The following CCDC137 variants were observed in gnomAD, a reference collection of about 807,000 sequenced individuals.
CCDC137 encodes coiled-coil domain-containing protein 137.
Under a neutral mutation model 30.4 loss-of-function variants are expected in CCDC137, and 24 were observed. That is an observed-to-expected ratio of 0.79 (90% CI 0.57 to 1.11). CCDC137 has a LOEUF of 1.11. Ranked by LOEUF, CCDC137 falls within the 50% of genes least tolerant of loss-of-function variation. The pLI is 0.00. For synonymous variants in CCDC137, 182 were observed against 155.7 expected (o/e 1.17, Z -1.26); for missense variants, 417 against 380.4 (o/e 1.10, Z -0.80).
rs1012241003 is a variant in CCDC137, at chr17:81,667,873, G to A, written c.268+11G>A. 8 of 1,609,980 alleles carry A rather than the reference G, an allele frequency of 5.0e-6. No homozygotes were observed. The highest frequency in any genetic ancestry group is 6.8e-6 in the Non-Finnish European group (8 of 1,179,390). ...AGAGGAAGAAAGCAGGTGTGTGCAG[G>A]CCCATACTGGGCGGCAGTGAAGCTT... On this transcript the variant is annotated intron_variant, in intron 2 of 5. Transcript: ENST00000329214.
In CCDC137 at chr17:81,666,743, G is replaced by T. The variant is rs182344335; in HGVS notation, c.-24G>T. ...CATGCAGGAAGGCGGAAGTGGCTTCGCTAGGGAGCCTCCCGGCGTGGAGAT... is the reference window on the plus strand; with the variant it reads ...CATGCAGGAAGGCGGAAGTGGCTTCTCTAGGGAGCCTCCCGGCGTGGAGAT... On this transcript the variant is annotated 5_prime_UTR_variant, in exon 1 of 6. Transcript: ENST00000329214. 2 of 1,449,380 alleles carry T rather than the reference G, an allele frequency of 1.4e-6. No homozygotes were observed. Among genetic ancestry groups the T allele is most frequent in the East Asian group, 2.7e-5 (1 of 36,678 alleles). 89.8% of individuals were successfully genotyped at this position (1,449,380 alleles called of 1,614,324 possible).
At chr17:81,670,682 G>A (rs1445754793) in intron 3 of CCDC137, among the ~76,000 whole-genome samples, 2 of 152,184 alleles carry the variant, frequency 1.3e-5, no homozygotes, top group South Asian at 2.1e-4. Context: ...CGGAGACCTC[G>A]CTTGGTCCTT....
chr17:81,670,122 CCTGGT>C, intron 2 of CCDC137, 98 bp from the exon 3 acceptor site: 1 of 884,016 alleles, frequency 1.1e-6, no homozygotes, highest in Non-Finnish European at 1.7e-6. Flanking sequence ...TTCCAGCCAG[CCTGGT>C]CTTCCCTTCC....
At chr17:81,670,090 T>C (rs1288149498) in intron 2 of CCDC137, 135 bp from the exon 3 acceptor site, 2 of 678,194 alleles carry the variant, frequency 2.9e-6, no homozygotes, top group East Asian at 5.5e-5. Context: ...TACATCCTCT[T>C]CAGCTGCTGT....
chr17:81,670,185 T>TCTGCCTC, intron 2 of CCDC137, 40 bp from the exon 3 acceptor site: 1 of 1,522,142 alleles, frequency 6.6e-7, no homozygotes, highest in Non-Finnish European at 9.0e-7. Context: ...CCTGCCACTG[T>TCTGCCTC]CTGCCTCCTG....
At chr17:81,668,527 A>G (rs887129580) in intron 2 of CCDC137, among the ~76,000 whole-genome samples, 3 of 152,196 alleles carry the variant, frequency 2.0e-5, no homozygotes, top group Non-Finnish European at 4.4e-5. Context: ...GTTTTACAGC[A>G]AAGCTGTTTT....
chr17:81,672,352 C>T (rs2036729064), intron 5 of CCDC137, 143 bp from the exon 6 acceptor site: 4 of 903,666 alleles, frequency 4.4e-6, no homozygotes, highest in South Asian at 1.7e-5. Context: ...AAAAAAAAAA[C>T]CCTCAGCCAA....
At chr17:81,669,974 T>G in intron 2 of CCDC137, 8 of 498,414 alleles carry the variant, frequency 1.6e-5, no homozygotes, top group East Asian at 7.2e-5. Context: ...GGGGTGGACA[T>G]TAGGTTGTTT....
At position 81,673,398 on chromosome 17, in the gene CCDC137, G is replaced by GA. The variant is rs546008978; in HGVS notation, c.*704dup. The GA allele has an allele frequency of 5.7e-4, 84 of 147,938 alleles. No individual in the cohort carries two copies. The highest frequency in any genetic ancestry group is 3.4e-3 in the Middle Eastern group (1 of 294). The allele number at this position is 147,938 out of a possible 1,614,324, so 9.2% of individuals were successfully genotyped here. On this transcript the variant is annotated 3_prime_UTR_variant, in exon 6 of 6. Coordinates refer to ENST00000329214, the MANE Select transcript of CCDC137 (RefSeq NM_199287.3). Reference sequence around the variant, plus strand: ...TGCATCTCTACTAAAAATACACGAAGAAAAAAAAAACAGTGGGAACAGAGT... The same window carrying GA: ...TGCATCTCTACTAAAAATACACGAAGAAAAAAAAAAACAGTGGGAACAGAGT...
chr17:81,670,821 C>T (rs921369828), intron 3 of CCDC137, among the ~76,000 whole-genome samples: 1 of 152,164 alleles, frequency 6.6e-6, no homozygotes, highest in Non-Finnish European at 1.5e-5. Flanking sequence ...CAAGAGACTA[C>T]ACCTTCCTAA....
Position 81,672,953 on chromosome 17 carries a change from C to T in CCDC137, c.*249C>T, listed in dbSNP as rs59853503. 78,558 of 546,674 alleles carry T rather than the reference C, an allele frequency of 0.14. 6,255 individuals carry two copies. The highest frequency in any genetic ancestry group is 0.19 in the Middle Eastern group (385 of 2,064). The allele number at this position is 546,674 out of a possible 1,614,324, so 33.9% of individuals were successfully genotyped here. On this transcript the variant is annotated 3_prime_UTR_variant, in exon 6 of 6. Coordinates refer to ENST00000329214, the MANE Select transcript of CCDC137 (RefSeq NM_199287.3). ...CACAGCTCCATCTCTTTGTTTTGAA[C>T]GTCCATTCTGAGTCTCAGCCCAGGT...
rs775991056 is a variant in CCDC137, at chr17:81,672,579, C to T, written c.745C>T (p.Arg249Trp). 34 of 1,580,872 alleles carry T rather than the reference C, an allele frequency of 2.2e-5. No homozygotes were observed. Among genetic ancestry groups the T allele is most frequent in the African/African-American group, 1.1e-4 (8 of 74,056 alleles). Residue 249 changes from arginine to tryptophan, a missense_variant, in exon 6 of 6, where the codon CGG becomes TGG. Physicochemically the swap from Arg to Trp is moderately radical, Grantham distance 101. Coordinates refer to ENST00000329214, the MANE Select transcript of CCDC137 (RefSeq NM_199287.3). ...QPLTASLARQ[R>W]IVEEERERAV... Reference sequence around the variant, plus strand: ...TCTGACCGCCTCCCTGGCCCGCCAGCGGATTGTGGAGGAGGAGAGAGAGCG... The same window carrying T: ...TCTGACCGCCTCCCTGGCCCGCCAGTGGATTGTGGAGGAGGAGAGAGAGCG...
At chr17:81,670,202 C>G (rs2036700145) in intron 2 of CCDC137, 23 bp from the exon 3 acceptor site, 1 of 1,596,132 alleles carries the variant, frequency 6.3e-7, no homozygotes, top group African/African-American at 1.3e-5. Flanking sequence ...CCTGCCTCCT[C>G]TGAGGCCTCC....
intron 3 of CCDC137, 143 bp downstream of exon 3, chr17:81,670,596 G>A: frequency 1.4e-6 from 1 of 722,468 alleles, no homozygotes; most frequent in Non-Finnish European, 2.2e-6. Context: ...AGCCCTGGGA[G>A]TTGGCGAGTC....
chr17:81,671,952 G>C lies in CCDC137; in HGVS notation c.581-124G>C, dbSNP rs1342390996. The C allele has an allele frequency of 5.5e-6, 8 of 1,451,384 alleles. No individual in the cohort carries two copies. In the Middle Eastern group the frequency reaches 6.9e-4, roughly 126 times the overall value. The allele number at this position is 1,451,384 out of a possible 1,614,324, so 89.9% of individuals were successfully genotyped here. A position where few individuals can be genotyped will look rare whatever the true frequency, so the allele number is the denominator to read the frequency against. On this transcript the variant is annotated intron_variant, in intron 4 of 5. Coordinates refer to ENST00000329214, the MANE Select transcript of CCDC137 (RefSeq NM_199287.3). ...TTTCCCCTGGGGTCCACAGCCATTA[G>C]ACCACTGGATGAGTTGGTGTTCTGT...
Position 81,671,784 on chromosome 17 carries a change from G to A in CCDC137, c.538G>A (p.Glu180Lys). 1.2e-6 allele frequency: 2 copies of A among 1,613,110 alleles called. No individual in the cohort carries two copies. Among genetic ancestry groups the A allele is most frequent in the Non-Finnish European group, 1.7e-6 (2 of 1,179,860 alleles). ...RRLDKVRRKK[E>K]EKAADRLEQE... ...ACTAGATAAAGTCCGACGGAAAAAG[G>A]AGGAAAAGGCGGCAGACAGGCTGGA... is the stretch of plus-strand genomic sequence containing the variant. Residue 180 changes from glutamate to lysine, a missense_variant, in exon 4 of 6, where the codon GAG becomes AAG. Coordinates refer to ENST00000329214, the MANE Select transcript of CCDC137 (RefSeq NM_199287.3).
chr17:81,671,913 C>T, intron 4 of CCDC137, 87 bp downstream of exon 4: 2 of 1,520,416 alleles, frequency 1.3e-6, no homozygotes, highest in Non-Finnish European at 9.1e-7. Flanking sequence ...CCTGGCTGCA[C>T]TGGGCACCTG....
Position 81,672,495 on chromosome 17 carries a change from C to G in CCDC137, c.661C>G (p.Pro221Ala). 4 of 1,555,322 alleles carry G rather than the reference C, an allele frequency of 2.6e-6. No individual in the cohort carries two copies. In the South Asian group the frequency reaches 4.7e-5, roughly 18 times the overall value. ...RPQRSVSKDQ[P>A]GRRSQMLRML... ...CCTCACCCTCCCCTCTCTCCCTCAG[C>G]CTGGCAGGAGATCGCAGATGCTGCG... The change falls in exon 6 of 6, where the codon CCT (proline) becomes GCT (alanine). Residue 221 changes from proline to alanine, a missense_variant and splice_region_variant. Coordinates refer to ENST00000329214, the MANE Select transcript of CCDC137 (RefSeq NM_199287.3).
intron 1 of CCDC137, 80 bp from the exon 2 acceptor site, chr17:81,667,649 A>C: frequency 3.2e-6 from 5 of 1,549,376 alleles, no homozygotes; most frequent in Non-Finnish European, 4.4e-6. Flanking sequence ...TTCTATTGCC[A>C]GACCCAACTA....
Sources: allele counts gnomAD v4.1 joint callset (sites outside exome capture counted in the v4.1 genomes callset), GRCh38; gene constraint gnomAD v4.1.1; transcripts MANE v1.5; gene names NCBI Gene and HGNC (gene_info 2026-07-23, HGNC 2026-07-21).